STAU2: variants seen among roughly 807,000 people sequenced by gnomAD.
STAU2 encodes the protein double-stranded RNA-binding protein Staufen homolog 2.
A neutral mutation model predicts 65.9 loss-of-function variants in STAU2; 20 were observed. That is an observed-to-expected ratio of 0.30 (90% CI 0.21 to 0.44). The LOEUF (loss-of-function observed/expected upper bound fraction) is 0.44. Among genes scored for constraint, STAU2 ranks in the 20% least tolerant of loss-of-function variants. The pLI is 1.00. For missense variants in STAU2, 558 were observed against 683.9 expected (o/e 0.82, Z 2.05); for synonymous variants, 232 against 233.9 (o/e 0.99, Z 0.07).
At chr8:73,595,443 T>C (rs1811111348) in intron 10 of STAU2, 146 bp from the exon 11 acceptor site, 1 of 655,868 alleles carries the variant, frequency 1.5e-6, no homozygotes, top group Non-Finnish European at 2.4e-6. Context: ...AGATAACATT[T>C]ATGTAATGTT....
At chr8:73,426,496 CTG>C (rs1816834734) in intron 13 of STAU2, among the ~76,000 whole-genome samples, 1 of 152,190 alleles carries the variant, frequency 6.6e-6, no homozygotes, top group Non-Finnish European at 1.5e-5. Context: ...CTAATATCCT[CTG>C]TTCTACTTTT....
intron 9 of STAU2, among the ~76,000 whole-genome samples, chr8:73,608,680 T>A (rs150439254): frequency 2.0e-4 from 29 of 148,704 alleles, no homozygotes; most frequent in Admixed American, 6.7e-4. Context: ...TAATGACTGA[T>A]AGGACGTAAG....
chr8:73,578,783 G>A (rs1395089469), intron 12 of STAU2, among the ~76,000 whole-genome samples: 2 of 152,124 alleles, frequency 1.3e-5, no homozygotes, highest in South Asian at 4.1e-4. Flanking sequence ...AAATAATTAA[G>A]TTGGATCACT....
At chr8:73,567,137 A>G (rs1416211986) in intron 12 of STAU2, among the ~76,000 whole-genome samples, 1 of 152,216 alleles carries the variant, frequency 6.6e-6, no homozygotes, top group Non-Finnish European at 1.5e-5. Context: ...GAAAAAAGTG[A>G]AAATGCAATT....
intron 13 of STAU2, among the ~76,000 whole-genome samples, chr8:73,456,541 G>C (rs1416944970): frequency 6.6e-6 from 1 of 152,148 alleles, no homozygotes; most frequent in African/African-American, 2.4e-5. Context: ...GTGGGAGGGG[G>C]AGGGAGCAGG....
intron 13 of STAU2, among the ~76,000 whole-genome samples, chr8:73,428,904 C>G (rs1817042102): frequency 6.6e-6 from 1 of 152,202 alleles, no homozygotes; most frequent in Admixed American, 6.5e-5. Flanking sequence ...ACATGCCAGG[C>G]AGGTCCCCCG....
chr8:73,711,239 C>CATTG, intron 3 of STAU2, among the ~76,000 whole-genome samples: 1 of 151,122 alleles, frequency 6.6e-6, no homozygotes, highest in African/African-American at 2.4e-5. Flanking sequence ...TTACCTATTC[C>CATTG]ATTGCATGTC....
At position 73,446,193 on chromosome 8, in the gene STAU2, T is replaced by C. The variant is rs182118724; in HGVS notation, c.1531-23491A>G. On this transcript the variant is annotated intron_variant, in intron 13 of 14. Coordinates refer to ENST00000524300, the MANE Select transcript of STAU2 (RefSeq NM_001164380.2). ...GTGAACAAAAGTCCATCTCAAAGAGTCATGTTATTATGATTCCATTTATGT... is the reference window on the plus strand; with the variant it reads ...GTGAACAAAAGTCCATCTCAAAGAGCCATGTTATTATGATTCCATTTATGT... 9.9e-5 allele frequency among the ~76,000 whole-genome samples: 15 copies of C among 152,232 alleles called. No homozygotes were observed. The East Asian group carries it at 2.7e-3, about 27-fold the overall frequency.
At chr8:73,511,331 TCCTTTCC>T (rs1380697309) in intron 13 of STAU2, 1 of 153,098 alleles carries the variant, frequency 6.5e-6, no homozygotes, top group African/African-American at 2.4e-5. Flanking sequence ...TCTTCTTCCC[TCCTTTCC>T]TCTTTAAGAA....
chr8:73,421,770 A>G (rs866223340), intron 14 of STAU2, among the ~76,000 whole-genome samples: 3 of 152,312 alleles, frequency 2.0e-5, no homozygotes, highest in Middle Eastern at 3.4e-3. Context: ...TTTCTTATTA[A>G]AAATTTTTTG....
At chr8:73,689,656 C>T (rs1194553213) in intron 4 of STAU2, among the ~76,000 whole-genome samples, 7 of 152,168 alleles carry the variant, frequency 4.6e-5, no homozygotes, top group Admixed American at 3.3e-4. Context: ...AATCAAGTTA[C>T]ATGATATGCG....
intron 13 of STAU2, among the ~76,000 whole-genome samples, chr8:73,538,034 CT>C (rs1806297365): frequency 6.6e-6 from 1 of 152,140 alleles, no homozygotes; most frequent in South Asian, 2.1e-4. Flanking sequence ...AAATAAGTAA[CT>C]GATTTTCTTC....
chr8:73,575,299 T>C (rs1809453873), intron 12 of STAU2, among the ~76,000 whole-genome samples: 1 of 152,186 alleles, frequency 6.6e-6, no homozygotes, highest in African/African-American at 2.4e-5. Flanking sequence ...GAATACCATA[T>C]TTCAACTATC....
chr8:73,725,779 A>G (rs915242731), intron 3 of STAU2, among the ~76,000 whole-genome samples: 1 of 152,154 alleles, frequency 6.6e-6, no homozygotes, highest in Admixed American at 6.5e-5. Flanking sequence ...CAAAATATAT[A>G]AAAATTAGCC....
At chr8:73,686,690 TTATC>T (rs1273606846) in intron 5 of STAU2, among the ~76,000 whole-genome samples, 1 of 151,680 alleles carries the variant, frequency 6.6e-6, no homozygotes, top group East Asian at 1.9e-4. Flanking sequence ...ACGGAAGAAT[TTATC>T]AATGTAACCG....
chr8:73,665,413 T>C (rs984148182), intron 6 of STAU2, among the ~76,000 whole-genome samples: 37 of 152,230 alleles, frequency 2.4e-4, no homozygotes, highest in African/African-American at 8.4e-4. Context: ...TCTATATCTA[T>C]TGAAACAAAT....
chr8:73,719,716 G>T (rs1011701111), intron 3 of STAU2, among the ~76,000 whole-genome samples: 7 of 152,122 alleles, frequency 4.6e-5, no homozygotes, highest in African/African-American at 1.7e-4. Context: ...AATTAGATTT[G>T]CTGAAACTTT....
chr8:73,721,864 A>G (rs531417962), intron 3 of STAU2, among the ~76,000 whole-genome samples: 46 of 152,288 alleles, frequency 3.0e-4, no homozygotes, highest in Non-Finnish European at 5.4e-4. Context: ...TTCAGCCTTT[A>G]AACTGGAGTG....
intron 13 of STAU2, among the ~76,000 whole-genome samples, chr8:73,481,716 T>G (rs2128910792): frequency 6.6e-6 from 1 of 152,254 alleles, no homozygotes; most frequent in East Asian, 1.9e-4. Context: ...GGGGAAATAT[T>G]CATTGCTTTG....
Sources: gnomAD v4.1 joint callset for allele counts (sites outside exome capture counted in the v4.1 genomes callset) on GRCh38, gnomAD v4.1.1 for gene constraint, MANE v1.5 for transcripts, NCBI Gene and HGNC (gene_info 2026-07-23, HGNC 2026-07-21) for gene names.